Variants in SMIM14 observed in about 807,000 individuals in gnomAD.
The protein encoded by SMIM14 is chromosome 4 open reading frame 34.
Under a neutral mutation model 12.6 loss-of-function variants are expected in SMIM14, and 5 were observed. That is an observed-to-expected ratio of 0.40 (90% CI 0.21 to 0.83). The LOEUF is 0.83. Ranked by LOEUF, SMIM14 falls within the 40% of genes least tolerant of loss-of-function variation. The pLI is 0.37. For synonymous variants in SMIM14, 30 were observed against 40.1 expected (o/e 0.75, Z 0.95); for missense variants, 86 against 119.1 (o/e 0.72, Z 1.29).
intron 4 of SMIM14, among the ~76,000 whole-genome samples, chr4:39,553,116 A>C (rs1238213734): frequency 6.6e-6 from 1 of 151,098 alleles, no homozygotes; most frequent in Non-Finnish European, 1.5e-5. Flanking sequence ...GCTGGAGTAC[A>C]GTGGTGAGAT....
At chr4:39,560,485 T>A (rs1056882243) in intron 3 of SMIM14, among the ~76,000 whole-genome samples, 4 of 151,914 alleles carry the variant, frequency 2.6e-5, no homozygotes, top group Admixed American at 6.6e-5. Flanking sequence ...ACATCAATAG[T>A]TCTTAAACTA....
At chr4:39,579,166 T>C (rs1335412473) in intron 2 of SMIM14, among the ~76,000 whole-genome samples, 2 of 151,838 alleles carry the variant, frequency 1.3e-5, no homozygotes, top group African/African-American at 4.8e-5. Context: ...CCCAGCATTT[T>C]GGGAGGCTGA....
At chr4:39,570,154 CT>C (rs961186977) in intron 3 of SMIM14, among the ~76,000 whole-genome samples, 1 of 151,770 alleles carries the variant, frequency 6.6e-6, no homozygotes, top group Admixed American at 6.6e-5. Flanking sequence ...GTTCATCTAT[CT>C]TTTTTTTGTT....
chr4:39,629,315 C>G (rs1459738878), intron 1 of SMIM14, among the ~76,000 whole-genome samples: 2 of 137,650 alleles, frequency 1.5e-5, no homozygotes, highest in African/African-American at 5.4e-5. Flanking sequence ...AAGCCGAGAT[C>G]GTGCCACTGC....
intron 3 of SMIM14, among the ~76,000 whole-genome samples, chr4:39,559,392 A>AG (rs1000787178): frequency 3.6e-4 from 54 of 152,028 alleles, no homozygotes; most frequent in African/African-American, 1.3e-3. Context: ...CTGTCAAAAA[A>AG]AAAAAAGAAA....
chr4:39,608,289 C>G (rs1175521628), intron 1 of SMIM14, among the ~76,000 whole-genome samples: 1 of 152,160 alleles, frequency 6.6e-6, no homozygotes, highest in Non-Finnish European at 1.5e-5. Context: ...AAGACCCTGT[C>G]TGTATTTATA....
rs568836127 is a variant in SMIM14 at position 39,607,648 on chromosome 4, G to A, written c.-35-2468C>T. ...AACTGATAGTTCTTACCCTAATGGT[G>A]TTCACATTCCAGTAGTAGACACAGA... On this transcript the variant is annotated intron_variant, in intron 1 of 4. Transcript: ENST00000295958. 1.1e-4 allele frequency among the ~76,000 whole-genome samples: 17 copies of A among 152,202 alleles called. 1 individual carries two copies. In the South Asian group the frequency reaches 3.3e-3, roughly 30 times the overall value.
At position 39,552,073 on chromosome 4, in the gene SMIM14, C is replaced by T. The variant is rs771047548; in HGVS notation, c.*53G>A. ...GGGTTAAGAGTACTCTGGTCATCTT[C>T]GTTCGTTTGGTCGTGCAAGGTGTTA... is the stretch of plus-strand genomic sequence containing the variant. On this transcript the variant is annotated 3_prime_UTR_variant, in exon 5 of 5. Transcript: ENST00000295958. The T allele has an allele frequency of 2.3e-5, 34 of 1,480,248 alleles. No individual in the cohort carries two copies. In the South Asian group the frequency reaches 3.2e-4, roughly 14 times the overall value. 91.7% of individuals were successfully genotyped at this position (1,480,248 alleles called of 1,614,324 possible).
chr4:39,569,169 G>A (rs1261934237), intron 3 of SMIM14, among the ~76,000 whole-genome samples: 2 of 152,186 alleles, frequency 1.3e-5, no homozygotes, highest in African/African-American at 2.4e-5. Flanking sequence ...AAGAAGTCTG[G>A]AGGGAGGGAA....
At chr4:39,557,261 C>T in intron 3 of SMIM14, among the ~76,000 whole-genome samples, 1 of 152,140 alleles carries the variant, frequency 6.6e-6, no homozygotes, top group African/African-American at 2.4e-5. Context: ...ATCCACCTGC[C>T]TTGGCCTCCC....
intron 1 of SMIM14, among the ~76,000 whole-genome samples, chr4:39,623,110 TAA>T (rs1294931071): frequency 6.6e-6 from 1 of 152,192 alleles, no homozygotes; most frequent in African/African-American, 2.4e-5. Context: ...CGATCACATC[TAA>T]AAAGAGTCTT....
intron 1 of SMIM14, among the ~76,000 whole-genome samples, chr4:39,632,749 A>G (rs1004467945): frequency 2.1e-5 from 3 of 140,960 alleles, no homozygotes; most frequent in Non-Finnish European, 4.6e-5. Flanking sequence ...CTGCACTTCA[A>G]CTTGGATGAC....
chr4:39,596,386 G>C (rs79456760), intron 2 of SMIM14, among the ~76,000 whole-genome samples: 1 of 151,922 alleles, frequency 6.6e-6, no homozygotes, highest in Non-Finnish European at 1.5e-5. Flanking sequence ...TGAGCCACCG[G>C]GCCCGGCCGC....
chr4:39,575,858 G>T (rs1198867744), intron 2 of SMIM14, among the ~76,000 whole-genome samples: 5 of 150,568 alleles, frequency 3.3e-5, no homozygotes, highest in African/African-American at 1.2e-4. Flanking sequence ...GCCTCCCAAA[G>T]TGCTGGGATT....
chr4:39,572,453 G>T lies in SMIM14; in HGVS notation c.86C>A (p.Ser29Tyr). ...MRRLINLLRQSQSYCTDTECL... is the reference protein window; with the variant it reads ...MRRLINLLRQYQSYCTDTECL... ...CTCTGTGTCTGTGCAGTAGGACTGG[G>T]ACTGCCGTAACTACAATGAATAAGA... is the stretch of plus-strand genomic sequence containing the variant. The change falls in exon 3 of 5, where the codon TCC becomes TAC. Residue 29 changes from serine to tyrosine, a missense_variant. Coordinates refer to ENST00000295958, the MANE Select transcript of SMIM14 (RefSeq NM_174921.3). 1 of 1,610,282 alleles carries T rather than the reference G, an allele frequency of 6.2e-7. No individual in the cohort carries two copies.
intron 4 of SMIM14, among the ~76,000 whole-genome samples, chr4:39,554,477 G>C (rs1021037140): frequency 3.3e-5 from 5 of 151,890 alleles, no homozygotes; most frequent in Admixed American, 6.6e-5. Flanking sequence ...ATGTGGTGGC[G>C]TGCACCTGTA....
rs541799405 is a variant in SMIM14 at position 39,563,928 on chromosome 4, CTTCT to C, written c.125-7362_125-7359del. Among the ~76,000 whole-genome samples the C allele has an allele frequency of 2.3e-3, 357 of 152,008 alleles. 1 individual carries two copies. The highest frequency in any genetic ancestry group is 8.3e-3 in the African/African-American group (345 of 41,416). On this transcript the variant is annotated intron_variant, in intron 3 of 4. Coordinates refer to ENST00000295958, the MANE Select transcript of SMIM14 (RefSeq NM_174921.3). ...CCCTTCTCTTCCTCTTCTTCTTCTT[CTTCT>C]ATTATTATTATTTTGAGACGGAGTC...
At chr4:39,622,282 C>T (rs1715528656) in intron 1 of SMIM14, among the ~76,000 whole-genome samples, 1 of 151,748 alleles carries the variant, frequency 6.6e-6, no homozygotes, top group Non-Finnish European at 1.5e-5. Flanking sequence ...CGGGGTTTCA[C>T]TGTGTTAGCC....
chr4:39,592,453 G>C (rs1714153861), intron 2 of SMIM14, among the ~76,000 whole-genome samples: 1 of 152,124 alleles, frequency 6.6e-6, no homozygotes, highest in South Asian at 2.1e-4. Flanking sequence ...AGTAGTAAGA[G>C]AAGTTCCAAC....
Sources: gnomAD v4.1 joint callset for allele counts (sites outside exome capture counted in the v4.1 genomes callset) on GRCh38, gnomAD v4.1.1 for gene constraint, MANE v1.5 for transcripts, NCBI Gene and HGNC (gene_info 2026-07-23, HGNC 2026-07-21) for gene names.